WDR43: variants seen among roughly 807,000 people sequenced by gnomAD.
The protein encoded by WDR43 is WD repeat domain 43.
WDR43 carries 13 observed loss-of-function variants against 91.4 expected under a neutral mutation model. The ratio of observed to expected loss-of-function variants is 0.14; its 90% CI spans 0.09 to 0.23. WDR43 has a LOEUF of 0.23. Among genes scored for constraint, WDR43 ranks in the 10% least tolerant of loss-of-function variants. WDR43 has a pLI of 1.00. For synonymous variants in WDR43, 331 were observed against 287.9 expected (o/e 1.15, Z -1.51); for missense variants, 780 against 809.4 (o/e 0.96, Z 0.44).
chr2:28,926,832 A>G (rs1208219581), intron 9 of WDR43, among the ~76,000 whole-genome samples: 1 of 152,212 alleles, frequency 6.6e-6, no homozygotes, highest in Non-Finnish European at 1.5e-5. Context: ...ATGTAGGGAT[A>G]AATATCAATA....
At chr2:28,895,064 C>G in intron 1 of WDR43, 141 bp downstream of exon 1, 1 of 856,966 alleles carries the variant, frequency 1.2e-6, no homozygotes, top group Non-Finnish European at 1.6e-6. Context: ...TCGGCGCGTT[C>G]AGGGCCCAAG....
In WDR43 at chr2:28,941,477, C is replaced by A. The variant is rs199705337; in HGVS notation, c.1637C>A (p.Pro546His). The change falls in exon 15 of 18, where the codon CCC becomes CAC. Residue 546 changes from proline (P) to histidine (H), a missense_variant. Coordinates refer to ENST00000407426, the MANE Select transcript of WDR43 (RefSeq NM_015131.3). ...TTTCTCTAGTTGCCTGACCTGGTAC[C>A]CCAGCTGGGGACACTCTACCAGTTA... ...SYLSTLPDLV[P>H]QLGTLYQLME... 120 of 1,612,992 alleles carry A rather than the reference C, an allele frequency of 7.4e-5. No homozygotes were observed. The highest frequency in any genetic ancestry group is 1.8e-4 in the Admixed American group (11 of 59,880).
chr2:28,908,445 C>A (rs1323510306), intron 3 of WDR43, among the ~76,000 whole-genome samples: 2 of 152,092 alleles, frequency 1.3e-5, no homozygotes, highest in East Asian at 1.9e-4. Context: ...GTTAGAAATG[C>A]CTGCAGAGGT....
rs148090090 is a variant in WDR43 at position 28,918,860 on chromosome 2, G to T, written c.849+865G>T. Among the ~76,000 whole-genome samples, 201 of 152,296 alleles carry T rather than the reference G, an allele frequency of 1.3e-3. 1 individual carries two copies. The highest frequency in any genetic ancestry group is 2.4e-3 in the Non-Finnish European group (160 of 68,032). On this transcript the variant is annotated intron_variant, in intron 6 of 17. Coordinates refer to ENST00000407426, the MANE Select transcript of WDR43 (RefSeq NM_015131.3). ...ACAGAATCCCACGTTTCTAATGCAA[G>T]TTAAGGATATTCACTTTTAACTCAA...
At chr2:28,938,086 CT>C in intron 14 of WDR43, 92 bp downstream of exon 14, 1 of 1,338,290 alleles carries the variant, frequency 7.5e-7, no homozygotes, top group Non-Finnish European at 1.0e-6. Context: ...CAAAACCATC[CT>C]TTCCCCATCT....
chr2:28,926,416 CTT>C (rs144139892), intron 8 of WDR43, 50 bp from the exon 9 acceptor site: 14 of 1,222,176 alleles, frequency 1.1e-5, no homozygotes, highest in South Asian at 6.7e-5. Context: ...GTTTGACACT[CTT>C]TTTTTTTTCT....
chr2:28,936,555 T>TAAA (rs1313815553), intron 12 of WDR43, among the ~76,000 whole-genome samples: 1 of 152,222 alleles, frequency 6.6e-6, no homozygotes, highest in Admixed American at 6.5e-5. Context: ...TTAACTCTTT[T>TAAA]AAAGTATACA....
At chr2:28,914,406 C>T (rs1376641963) in intron 5 of WDR43, among the ~76,000 whole-genome samples, 198 bp downstream of exon 5, 1 of 152,148 alleles carries the variant, frequency 6.6e-6, no homozygotes, top group Non-Finnish European at 1.5e-5. Context: ...ATTAAAGCCT[C>T]CTGTGGTTGT....
intron 2 of WDR43, among the ~76,000 whole-genome samples, chr2:28,903,078 A>G (rs184114264): frequency 3.3e-5 from 5 of 152,292 alleles, no homozygotes; most frequent in Admixed American, 1.3e-4. Flanking sequence ...TTAAAAAAAT[A>G]TAGTTGGCTT....
chr2:28,914,043 CCTAA>C (rs760741395), intron 4 of WDR43, 22 bp from the exon 5 acceptor site: 33 of 1,610,860 alleles, frequency 2.0e-5, no homozygotes, highest in East Asian at 4.5e-5. Context: ...AATCTGCTCT[CCTAA>C]CTGAGATTTA....
chr2:28,927,101 G>T, intron 9 of WDR43: 1 of 519,668 alleles, frequency 1.9e-6, no homozygotes, highest in Non-Finnish European at 3.8e-6. Context: ...TTCGCTGCTG[G>T]CTGAGTTTCA....
chr2:28,896,422 G>A (rs189506569), intron 1 of WDR43, among the ~76,000 whole-genome samples: 271 of 152,276 alleles, frequency 1.8e-3, no homozygotes, highest in Non-Finnish European at 3.2e-3. Context: ...TGACAGGTAA[G>A]TGCTTTAAGT....
rs898330039 is a variant in WDR43 at position 28,941,342 on chromosome 2, G to A, written c.1621-119G>A. The stretch of plus-strand genomic sequence containing the variant: ...TTGCAGGTAGCCACTGCCACTGGGA[G>A]TACTTGTAAGCAGATGTGTGTGGTG... On this transcript the variant is annotated intron_variant, in intron 14 of 17. Coordinates refer to ENST00000407426, the MANE Select transcript of WDR43 (RefSeq NM_015131.3). 3.2e-5 allele frequency: 21 copies of A among 651,792 alleles called. No homozygotes were observed. The African/African-American group carries it at 3.5e-4, about 11-fold the overall frequency. 40.4% of individuals were successfully genotyped at this position (651,792 alleles called of 1,614,324 possible). A position where few individuals can be genotyped will look rare whatever the true frequency, so the allele number is the denominator to read the frequency against.
At chr2:28,922,797 G>GTT (rs70958224) in intron 6 of WDR43, 122 bp from the exon 7 acceptor site, 31,922 of 232,212 alleles carry the variant, frequency 0.14, 3,865 homozygotes, top group East Asian at 0.44. Flanking sequence ...TTCTTGCTGT[G>GTT]TTTTTTTTTT....
Position 28,912,701 on chromosome 2 carries a change from A to C in WDR43, c.597A>C (p.Glu199Asp). Residue 199 changes from glutamate (E) to aspartate (D), a missense_variant, in exon 4 of 18, where the codon GAA (glutamate) becomes GAC (aspartate). Glu to Asp is a conservative substitution (Grantham distance 45, BLOSUM62 2). Coordinates refer to ENST00000407426, the MANE Select transcript of WDR43 (RefSeq NM_015131.3). ...TIKLWVLETKEVYRHFTGHAT... is the reference protein window; with the variant it reads ...TIKLWVLETKDVYRHFTGHAT... Reference sequence around the variant, plus strand: ...AACTATGGGTTTTGGAGACCAAAGAAGTCTACAGGGTGAGCGAATCAAATT... The same window carrying C: ...AACTATGGGTTTTGGAGACCAAAGACGTCTACAGGGTGAGCGAATCAAATT... The C allele has an allele frequency of 1.9e-6, 3 of 1,613,942 alleles. No individual in the cohort carries two copies. The highest frequency in any genetic ancestry group is 2.2e-5 in the East Asian group (1 of 44,872).
chr2:28,901,603 A>T (rs1218478314), intron 1 of WDR43, among the ~76,000 whole-genome samples: 2 of 152,206 alleles, frequency 1.3e-5, no homozygotes, highest in Admixed American at 6.5e-5. Flanking sequence ...ACGGATTCAT[A>T]GATTTTTGGG....
intron 4 of WDR43, chr2:28,913,715 G>A (rs1478154916): frequency 5.7e-6 from 3 of 529,934 alleles, no homozygotes; most frequent in South Asian, 4.2e-5. Context: ...AGAGTAAAAT[G>A]AGGACCTACA....
At chr2:28,915,033 A>C (rs1269404469) in intron 5 of WDR43, among the ~76,000 whole-genome samples, 1 of 152,072 alleles carries the variant, frequency 6.6e-6, no homozygotes, top group African/African-American at 2.4e-5. Context: ...AAAAAAAACC[A>C]CCTTGCTGTT....
chr2:28,927,285 G>A (rs181922198), intron 9 of WDR43: 3 of 441,384 alleles, frequency 6.8e-6, no homozygotes, highest in East Asian at 1.0e-4. Flanking sequence ...GTATACCAAC[G>A]TTAGTGACAC....
Sources: gnomAD v4.1 joint callset for allele counts (sites outside exome capture counted in the v4.1 genomes callset) on GRCh38, gnomAD v4.1.1 for gene constraint, MANE v1.5 for transcripts, NCBI Gene and HGNC (gene_info 2026-07-23, HGNC 2026-07-21) for gene names.